Variants in ZNF540 observed in about 807,000 individuals in gnomAD.
ZNF540 encodes the protein zinc finger protein 540, also known as CTD-3064H18.6.
A neutral mutation model predicts 11.8 loss-of-function variants in ZNF540; 3 were observed. The ratio of observed to expected loss-of-function variants is 0.25; its 90% CI spans 0.12 to 0.65. The LOEUF (loss-of-function observed/expected upper bound fraction) is 0.65, where lower values mean the gene tolerates loss of function less well. Ranked by LOEUF, ZNF540 falls within the 30% of genes least tolerant of loss-of-function variation. ZNF540 has a pLI of 0.83. For synonymous variants in ZNF540, 247 were observed against 259.0 expected (o/e 0.95, Z 0.45); for missense variants, 709 against 793.1 (o/e 0.89, Z 1.27).
chr19:37,584,942 C>A (rs2147200087), intron 1 of ZNF540: 1 of 149,476 alleles, frequency 6.7e-6, no homozygotes, highest in East Asian at 2.0e-4. Context: ...CCCGCCTGGG[C>A]CACAGAGCGA....
Position 37,599,673 on chromosome 19 carries a change from A to G in ZNF540, c.57A>G (p.Glu19=). The G allele has an allele frequency of 6.2e-7, 1 of 1,613,978 alleles. No individual in the cohort carries two copies. The highest frequency in any genetic ancestry group is 8.5e-7 in the Non-Finnish European group (1 of 1,179,910). ...RDVAIDFSQK[E]WECLDTTQRK... The stretch of plus-strand genomic sequence containing the variant: ...TGGCTATAGACTTCTCTCAGAAGGA[A>G]TGGGAGTGCCTGGACACTACCCAGA... The change falls in exon 3 of 5, where the codon GAA becomes GAG. Residue 19 remains glutamate, a synonymous_variant. Transcript: ENST00000316433.
intron 1 of ZNF540, among the ~76,000 whole-genome samples, chr19:37,597,259 C>T (rs2044003514): frequency 6.6e-6 from 1 of 151,840 alleles, no homozygotes; most frequent in African/African-American, 2.4e-5. Flanking sequence ...CCTGCAGGGA[C>T]CCTGGGGACT....
Position 37,584,166 on chromosome 19 carries a change from G to A in ZNF540, c.-72-14210G>A. The stretch of plus-strand genomic sequence containing the variant: ...TCTGAAGTGAAATGAGAAGAAAATG[G>A]AGGAGGTAATTGAAGGAAGCAAGTA... On this transcript the variant is annotated intron_variant, in intron 1 of 4. Coordinates refer to the ZNF540 transcript ENST00000592533. 1.9e-6 allele frequency: 3 copies of A among 1,605,890 alleles called. No individual in the cohort carries two copies. The South Asian group carries it at 3.3e-5, about 18-fold the overall frequency.
At chr19:37,565,022 T>G in intron 1 of ZNF540, 1 of 1,613,788 alleles carries the variant, frequency 6.2e-7, no homozygotes. Flanking sequence ...TTTCTCACCA[T>G]GAATTTTCTC....
chr19:37,559,236 C>T (rs1188989029), intron 1 of ZNF540, among the ~76,000 whole-genome samples: 2 of 152,136 alleles, frequency 1.3e-5, no homozygotes, highest in Non-Finnish European at 2.9e-5. Context: ...GGTGATGTCA[C>T]TGGAAAGAAA....
chr19:37,552,509 C>T (rs1483570172), intron 1 of ZNF540, among the ~76,000 whole-genome samples: 1 of 152,100 alleles, frequency 6.6e-6, no homozygotes, highest in Non-Finnish European at 1.5e-5. Context: ...TTATTTCTAG[C>T]AGTTTTTAAT....
At chr19:37,560,296 A>G (rs548961509) in intron 1 of ZNF540, 2 of 152,158 alleles carry the variant, frequency 1.3e-5, no homozygotes, top group South Asian at 2.1e-4. Flanking sequence ...AAAAATAAAA[A>G]TATAAATAAA....
In ZNF540 at chr19:37,598,457, G is replaced by GT; in HGVS notation, c.9+2dup. On this transcript the variant is annotated splice_donor_variant, in intron 2 of 4. Transcript: ENST00000316433. LOFTEE classifies it high-confidence loss of function. ...TTGTGAGTGTAAAACCATGGCCCAT[G>GT]TAAGTCACAGTTTCTCTTTCCTTTT... The GT allele has an allele frequency of 6.2e-7, 1 of 1,613,962 alleles. No individual in the cohort carries two copies. Among genetic ancestry groups the GT allele is most frequent in the Non-Finnish European group, 8.5e-7 (1 of 1,179,924 alleles).
At chr19:37,564,712 T>C in intron 1 of ZNF540, 1 of 1,613,634 alleles carries the variant, frequency 6.2e-7, no homozygotes, top group African/African-American at 1.3e-5. Flanking sequence ...GCAGAGTAAG[T>C]TCTGAGCCAC....
At chr19:37,593,559 C>T (rs1350095991), upstream of ZNF540, among the ~76,000 whole-genome samples, 1 of 152,044 alleles carries the variant, frequency 6.6e-6, no homozygotes, top group African/African-American at 2.4e-5. Context: ...AAAAATTAGC[C>T]GGGCATGGTG....
rs1232106250 is a variant in ZNF540, at chr19:37,569,518, G to A, written c.-73+17853G>A. ...ACACACTCAAACATAAAACAAGGAT[G>A]TCATAAAATTATCTTTGCTATATGT... On this transcript the variant is annotated intron_variant, in intron 1 of 4. Transcript: ENST00000592533. This position sits in a 1 kb window ranked among gnomAD's most constrained non-coding sequence, Gnocchi z 4.4. 6.6e-6 allele frequency among the ~76,000 whole-genome samples: 1 copy of A among 152,016 alleles called. No homozygotes were observed. The highest frequency in any genetic ancestry group is 2.4e-5 in the African/African-American group (1 of 41,366).
intron 1 of ZNF540, chr19:37,587,009 C>G (rs1253302713): frequency 3.3e-6 from 1 of 305,088 alleles, no homozygotes; most frequent in Non-Finnish European, 6.0e-6. Flanking sequence ...GGGAGCCCCC[C>G]ACCATCCTCC....
At chr19:37,576,753 C>T (rs1381524188) in intron 1 of ZNF540, among the ~76,000 whole-genome samples, 1 of 151,920 alleles carries the variant, frequency 6.6e-6, no homozygotes, top group Non-Finnish European at 1.5e-5. Context: ...TAGCAAAGAC[C>T]CAAACTGGGA....
At chr19:37,578,793 C>T (rs1296589614) in intron 1 of ZNF540, among the ~76,000 whole-genome samples, 1 of 152,202 alleles carries the variant, frequency 6.6e-6, no homozygotes, top group Non-Finnish European at 1.5e-5. Flanking sequence ...GCTCTTCCAG[C>T]GCAGCAACCG....
At chr19:37,594,358 G>A (rs975221423), upstream of ZNF540, 6 of 152,460 alleles carry the variant, frequency 3.9e-5, no homozygotes, top group African/African-American at 1.2e-4. Context: ...CCCACCCCGC[G>A]GCCGCACAAG....
chr19:37,607,843 T>C (rs2044096651), intron 4 of ZNF540, among the ~76,000 whole-genome samples: 1 of 152,190 alleles, frequency 6.6e-6, no homozygotes, highest in African/African-American at 2.4e-5. Context: ...GATTGCTGAG[T>C]AGTACGATAA....
At chr19:37,602,899 A>C (rs1027573777) in intron 4 of ZNF540, among the ~76,000 whole-genome samples, 4 of 151,830 alleles carry the variant, frequency 2.6e-5, no homozygotes, top group Admixed American at 2.6e-4. Flanking sequence ...ATGGGAGGTG[A>C]GGCAGTGATG....
At chr19:37,559,202 C>T (rs78374217) in intron 1 of ZNF540, among the ~76,000 whole-genome samples, 1 of 152,128 alleles carries the variant, frequency 6.6e-6, no homozygotes, top group African/African-American at 2.4e-5. Flanking sequence ...ATGGCTCCAA[C>T]AGAAGCTCAT....
intron 1 of ZNF540, among the ~76,000 whole-genome samples, chr19:37,589,487 TA>T (rs145902538): frequency 1.3e-5 from 2 of 150,290 alleles, no homozygotes; most frequent in African/African-American, 2.4e-5. Flanking sequence ...AGACAATTCA[TA>T]AAAAAAAAGT....
Sources: gnomAD v4.1 joint callset for allele counts (sites outside exome capture counted in the v4.1 genomes callset) on GRCh38, gnomAD v4.1.1 for gene constraint, Gnocchi (gnomAD v3.1) non-coding constraint, MANE v1.5 for transcripts, NCBI Gene and HGNC (gene_info 2026-07-23, HGNC 2026-07-21) for gene names.